The following ZNF507 variants were observed in gnomAD, a reference collection of about 807,000 sequenced individuals.
ZNF507 encodes the protein zinc finger protein 507.
In ZNF507, 29 loss-of-function variants were observed where a neutral mutation model predicts 80.0. The observed-to-expected ratio is 0.36, with a 90% CI of 0.27 to 0.49. ZNF507 has a LOEUF of 0.49. ZNF507 is among the 20% of genes least tolerant of loss of function. The pLI, the probability that ZNF507 is intolerant of heterozygous loss-of-function variation, is 0.98. For synonymous variants in ZNF507, 462 were observed against 422.5 expected (o/e 1.09, Z -1.15); for missense variants, 1,081 against 1,152.2 (o/e 0.94, Z 0.90).
Position 32,353,552 on chromosome 19 carries a change from C to T in ZNF507, c.722C>T (p.Ala241Val), listed in dbSNP as rs1967202219. The T allele has an allele frequency of 6.2e-7, 1 of 1,614,068 alleles. No individual in the cohort carries two copies. Among genetic ancestry groups the T allele is most frequent in the Non-Finnish European group, 8.5e-7 (1 of 1,180,052 alleles). ...GAAATGGGTAGGAGGAAATGGTATG[C>T]ATACGAACAGTACGGCATGTATCGA... ...VAEMGRRKWY[A>V]YEQYGMYRCL... The change falls in exon 3 of 7, where the codon GCA becomes GTA. Residue 241 changes from alanine (A) to valine (V), a missense_variant. By Grantham distance (64) the Ala-to-Val change is moderately conservative. Around this residue, in one of 6 missense-constraint regions of ZNF507, gnomAD observed 275 missense variants for 303.9 expected, o/e 0.90. Coordinates refer to ENST00000355898, the MANE Select transcript of ZNF507 (RefSeq NM_001136156.2).
intron 5 of ZNF507, among the ~76,000 whole-genome samples, chr19:32,369,005 C>A (rs979646646): frequency 1.3e-5 from 2 of 152,212 alleles, no homozygotes; most frequent in African/African-American, 4.8e-5. Context: ...AACCAACATC[C>A]TTATCTCCTT....
rs777760463 is a variant in ZNF507, at chr19:32,356,808, G to C, written c.2245+75G>C. On this transcript the variant is annotated intron_variant, in intron 4 of 6. Transcript: ENST00000355898. ...AAAGTGCCCTTAGTTGTCATGGTTG[G>C]TTATTTTCAGGGCAAAAGCCTATAT... 3.6e-6 allele frequency: 4 copies of C among 1,120,026 alleles called. No individual in the cohort carries two copies. The African/African-American group carries it at 6.1e-5, about 17-fold the overall frequency. The allele number at this position is 1,120,026 out of a possible 1,614,324, so 69.4% of individuals were successfully genotyped here. A position where few individuals can be genotyped will look rare whatever the true frequency, so the allele number is the denominator to read the frequency against.
At position 32,353,739 on chromosome 19, in the gene ZNF507, T is replaced by A; in HGVS notation, c.909T>A (p.Asp303Glu). 1 of 1,614,214 alleles carries A rather than the reference T, an allele frequency of 6.2e-7. No individual in the cohort carries two copies. Among genetic ancestry groups the A allele is most frequent in the Non-Finnish European group, 8.5e-7 (1 of 1,180,030 alleles). Residue 303 changes from aspartate (D) to glutamate (E), a missense_variant, in exon 3 of 7, where the codon GAT becomes GAA. Physicochemically the swap from Asp to Glu is conservative, Grantham distance 45. Transcript: ENST00000355898. Reference protein sequence around the residue: ...SSAAAAPGGVDAVVIAIGESE... With the variant: ...SSAAAAPGGVEAVVIAIGESE... ...CAGCTGCTGCGCCTGGTGGGGTCGATGCAGTCGTCATTGCTATTGGAGAGA... is the reference window on the plus strand; with the variant it reads ...CAGCTGCTGCGCCTGGTGGGGTCGAAGCAGTCGTCATTGCTATTGGAGAGA...
intron 5 of ZNF507, among the ~76,000 whole-genome samples, chr19:32,373,360 G>A (rs925281149): frequency 9.2e-5 from 14 of 152,020 alleles, no homozygotes; most frequent in African/African-American, 3.4e-4. Context: ...TGGGGGGTGG[G>A]TCACGTAAAT....
intron 1 of ZNF507, among the ~76,000 whole-genome samples, chr19:32,346,536 G>A (rs566082676): frequency 4.6e-5 from 7 of 152,320 alleles, no homozygotes; most frequent in African/African-American, 1.7e-4. Flanking sequence ...CTCACTCAGA[G>A]TATGGGTTGC....
At position 32,356,595 on chromosome 19, in the gene ZNF507, A is replaced by G. The variant is rs764813220; in HGVS notation, c.2128-21A>G. 5.1e-6 allele frequency: 8 copies of G among 1,564,600 alleles called. No individual in the cohort carries two copies. In the Admixed American group the frequency reaches 1.0e-4, roughly 20 times the overall value. On this transcript the variant is annotated intron_variant, in intron 3 of 6. Transcript: ENST00000355898. The stretch of plus-strand genomic sequence containing the variant: ...GACATGTATATTTATTGAAAATTAC[A>G]TATTTCTTTCCACTTTTTAGAGTCA...
At chr19:32,374,824 T>C (rs1211423685) in intron 5 of ZNF507, among the ~76,000 whole-genome samples, 3 of 152,228 alleles carry the variant, frequency 2.0e-5, no homozygotes, top group South Asian at 4.1e-4. Flanking sequence ...TCCTAGCTGG[T>C]ACCTCCACAA....
intron 5 of ZNF507, among the ~76,000 whole-genome samples, chr19:32,365,921 C>G (rs953333926): frequency 1.3e-5 from 2 of 152,086 alleles, no homozygotes; most frequent in African/African-American, 4.8e-5. Context: ...TCAGTTCTTC[C>G]CATCTATAAA....
intron 5 of ZNF507, among the ~76,000 whole-genome samples, chr19:32,374,054 G>A (rs904707979): frequency 6.6e-6 from 1 of 152,136 alleles, no homozygotes; most frequent in African/African-American, 2.4e-5. Flanking sequence ...CTCACAGTTC[G>A]TATTCCCATA....
Position 32,354,650 on chromosome 19 carries a change from T to C in ZNF507, c.1820T>C (p.Ile607Thr). ...GACCAAAACGCTTCAGACGATGACA[T>C]TTTGAAAGAGTTGCAGGACAACGCC... ...RTDQNASDDD[I>T]LKELQDNAQC... is the part of the protein sequence containing the mutation. Residue 607 changes from isoleucine to threonine, a missense_variant, in exon 3 of 7, where the codon ATT (isoleucine) becomes ACT (threonine). This residue lies in a region of ZNF507 where 614 missense variants were observed against 583.9 expected (regional missense o/e 1.05). Transcript: ENST00000355898. 6.2e-7 allele frequency: 1 copy of C among 1,614,116 alleles called. No individual in the cohort carries two copies. The highest frequency in any genetic ancestry group is 8.5e-7 in the Non-Finnish European group (1 of 1,180,022).
chr19:32,385,647 T>A lies in ZNF507; in HGVS notation c.*2564T>A, dbSNP rs1967678729. On this transcript the variant is annotated 3_prime_UTR_variant, in exon 7 of 7. Coordinates refer to ENST00000355898, the MANE Select transcript of ZNF507 (RefSeq NM_001136156.2). ...CTGGGCAACACGGGGAGACCCTGTC[T>A]CTACAAGAAATTAAAAATTAGCCAG... 6.6e-6 allele frequency: 1 copy of A among 152,198 alleles called. No individual in the cohort carries two copies. Among genetic ancestry groups the A allele is most frequent in the Admixed American group, 6.5e-5 (1 of 15,276 alleles). The allele number at this position is 152,198 out of a possible 1,614,324, so 9.4% of individuals were successfully genotyped here.
chr19:32,375,234 G>T (rs1020784928), intron 5 of ZNF507, among the ~76,000 whole-genome samples: 2 of 152,230 alleles, frequency 1.3e-5, no homozygotes, highest in Admixed American at 6.5e-5. Flanking sequence ...AACTGAGGGA[G>T]AAAGCACTAC....
At position 32,387,032 on chromosome 19, in the gene ZNF507, A is replaced by C. The variant is rs1477018074; in HGVS notation, c.*3949A>C. The C allele has an allele frequency of 1.3e-5, 2 of 152,216 alleles. No homozygotes were observed. The highest frequency in any genetic ancestry group is 4.8e-5 in the African/African-American group (2 of 41,458). The allele number at this position is 152,216 out of a possible 1,614,324, so 9.4% of individuals were successfully genotyped here. ...AGCATTAGACTGTTACACGAAGATA[A>C]ACTGAATAAGCATTTAGCTTTTTAA... On this transcript the variant is annotated 3_prime_UTR_variant, in exon 7 of 7. Coordinates refer to ENST00000355898, the MANE Select transcript of ZNF507 (RefSeq NM_001136156.2).
chr19:32,356,616 A>G lies in ZNF507; in HGVS notation c.2128A>G (p.Ser710Gly), dbSNP rs758100605. ...KQCEESFHYK[S>G]QLRNHEREQH... ...TTACATATTTCTTTCCACTTTTTAG[A>G]GTCAATTGAGGAACCATGAGAGAGA... is the stretch of plus-strand genomic sequence containing the variant. The change falls in exon 4 of 7, where the codon AGT becomes GGT. Residue 710 changes from serine to glycine, a missense_variant and splice_region_variant. Around this residue, in one of 6 missense-constraint regions of ZNF507, gnomAD observed 614 missense variants for 583.9 expected, o/e 1.05. Coordinates refer to ENST00000355898, the MANE Select transcript of ZNF507 (RefSeq NM_001136156.2). 28 of 1,607,908 alleles carry G rather than the reference A, an allele frequency of 1.7e-5. No homozygotes were observed. The highest frequency in any genetic ancestry group is 2.7e-5 in the African/African-American group (2 of 74,692).
At position 32,354,749 on chromosome 19, in the gene ZNF507, C is replaced by T. The variant is rs767452524; in HGVS notation, c.1919C>T (p.Pro640Leu). 1 of 1,614,154 alleles carries T rather than the reference C, an allele frequency of 6.2e-7. No homozygotes were observed. Among genetic ancestry groups the T allele is most frequent in the Non-Finnish European group, 8.5e-7 (1 of 1,180,022 alleles). The change falls in exon 3 of 7, where the codon CCC (proline) becomes CTC (leucine). Residue 640 changes from proline (P) to leucine (L), a missense_variant. Transcript: ENST00000355898. ...VVEYIPNAER[P>L]YRCRLCHYTS... The stretch of plus-strand genomic sequence containing the variant: ...GAATACATCCCGAATGCTGAACGAC[C>T]CTACCGTTGCCGCCTGTGTCACTAC...
intron 2 of ZNF507, among the ~76,000 whole-genome samples, chr19:32,350,769 G>A (rs911809403): frequency 7.9e-5 from 12 of 152,160 alleles, no homozygotes; most frequent in African/African-American, 2.2e-4. Flanking sequence ...GCAGAGAGCC[G>A]TATCGTGTTC....
At chr19:32,361,679 T>TTTC (rs766221830) in intron 5 of ZNF507, among the ~76,000 whole-genome samples, 608 of 21,300 alleles carry the variant, frequency 0.029, 12 homozygotes, top group Non-Finnish European at 0.027. Context: ...CCTTCCTTCC[T>TTTC]TTCCTTCCTT....
chr19:32,359,131 A>G (rs1213841673), intron 4 of ZNF507: 2 of 152,154 alleles, frequency 1.3e-5, no homozygotes, highest in African/African-American at 4.8e-5. Context: ...TTAAAACTGT[A>G]TTTGGAACAG....
At chr19:32,374,826 C>T (rs1254568737) in intron 5 of ZNF507, among the ~76,000 whole-genome samples, 1 of 152,158 alleles carries the variant, frequency 6.6e-6, no homozygotes, top group African/African-American at 2.4e-5. Flanking sequence ...CTAGCTGGTA[C>T]CTCCACAACA....
Sources: gnomAD v4.1 joint callset for allele counts (sites outside exome capture counted in the v4.1 genomes callset) on GRCh38, gnomAD v4.1.1 for gene constraint, gnomAD v4.1.1 regional missense constraint, MANE v1.5 for transcripts, NCBI Gene and HGNC (gene_info 2026-07-23, HGNC 2026-07-21) for gene names.